Variants in NAAA observed in about 807,000 individuals in gnomAD.
NAAA encodes the protein N-acylethanolamine acid amidase, also known as N-acylethanolamine-hydrolyzing acid amidase.
NAAA carries 39 observed loss-of-function variants against 44.8 expected under a neutral mutation model. That is an observed-to-expected ratio of 0.87 (90% CI 0.67 to 1.14). The LOEUF (loss-of-function observed/expected upper bound fraction) is 1.14, where lower values mean the gene tolerates loss of function less well. Among genes scored for constraint, NAAA ranks in the 50% most tolerant of loss-of-function variants. NAAA has a pLI of 0.00. For missense variants in NAAA, 460 were observed against 467.8 expected (o/e 0.98, Z 0.15); for synonymous variants, 178 against 191.3 (o/e 0.93, Z 0.58).
intron 5 of NAAA, among the ~76,000 whole-genome samples, chr4:75,922,652 C>T (rs1726281184): frequency 6.6e-6 from 1 of 152,218 alleles, no homozygotes; most frequent in African/African-American, 2.4e-5. Flanking sequence ...ATCTTTGGGT[C>T]TTCATTCTGA....
intron 9 of NAAA, chr4:75,917,107 T>TA (rs35399299): frequency 4.2e-6 from 4 of 958,400 alleles, no homozygotes; most frequent in East Asian, 1.2e-4. Context: ...TATAATTACC[T>TA]AAAAAAACTA....
chr4:75,926,520 C>T (rs111676838), intron 4 of NAAA, among the ~76,000 whole-genome samples: 14 of 136,286 alleles, frequency 1.0e-4, no homozygotes, highest in Admixed American at 3.2e-4. Context: ...AAGATCAGGC[C>T]ACTGCACTCC....
In NAAA at chr4:75,925,829, T is replaced by C. The variant is rs929478597; in HGVS notation, c.590-18A>G. On this transcript the variant is annotated intron_variant, in intron 4 of 10. Transcript: ENST00000286733. The stretch of plus-strand genomic sequence containing the variant: ...GCCTTTATCTGCCAAGTTGAGTATA[T>C]ATGTTATATATGTGTGTGTATATAT... 1.2e-6 allele frequency: 2 copies of C among 1,608,692 alleles called. No individual in the cohort carries two copies. The highest frequency in any genetic ancestry group is 1.7e-6 in the Non-Finnish European group (2 of 1,175,170).
At chr4:75,936,076 C>A in intron 3 of NAAA, 33 bp downstream of exon 3, 1 of 1,612,420 alleles carries the variant, frequency 6.2e-7, no homozygotes, top group South Asian at 1.1e-5. Context: ...GCAAATCTTT[C>A]TGATTTTTTA....
intron 5 of NAAA, among the ~76,000 whole-genome samples, chr4:75,925,523 C>T (rs905956): frequency 0.71 from 107,314 of 152,160 alleles, 38,075 homozygotes; most frequent in Non-Finnish European, 0.72. Context: ...ACTCCAATAG[C>T]ATATACTGAT....
At chr4:75,921,783 G>C (rs547856225) in intron 5 of NAAA, among the ~76,000 whole-genome samples, 10 of 152,144 alleles carry the variant, frequency 6.6e-5, no homozygotes, top group Admixed American at 5.2e-4. Context: ...GTTCTAGTTC[G>C]ATGGACTAGA....
chr4:75,929,458 G>A (rs774913901), intron 4 of NAAA, among the ~76,000 whole-genome samples: 140 of 152,254 alleles, frequency 9.2e-4, no homozygotes, highest in African/African-American at 3.1e-3. Context: ...CAGTTTGACA[G>A]TATTTCATTA....
intron 9 of NAAA, 70 bp from the exon 10 acceptor site, chr4:75,915,055 C>T: frequency 8.7e-7 from 1 of 1,144,716 alleles, no homozygotes; most frequent in Non-Finnish European, 1.3e-6. Flanking sequence ...AGAAAATGAC[C>T]AAGTGCTTCC....
chr4:75,939,230 C>T (rs981196487), intron 2 of NAAA, among the ~76,000 whole-genome samples: 3 of 152,200 alleles, frequency 2.0e-5, no homozygotes, highest in African/African-American at 7.2e-5. Flanking sequence ...CCTGTCGCCC[C>T]AGCCCTGGTG....
Position 75,920,737 on chromosome 4 carries a change from C to T in NAAA, c.902+1G>A, listed in dbSNP as rs1418623997. 2 of 1,614,240 alleles carry T rather than the reference C, an allele frequency of 1.2e-6. No individual in the cohort carries two copies. Among genetic ancestry groups the T allele is most frequent in the Non-Finnish European group, 1.7e-6 (2 of 1,180,034 alleles). Reference sequence around the variant, plus strand: ...AAACCAGAAAGCACGTAGCAGCCTACCTCCGGTCATCTTCCTTGGGTGCTG... The same window carrying T: ...AAACCAGAAAGCACGTAGCAGCCTATCTCCGGTCATCTTCCTTGGGTGCTG... On this transcript the variant is annotated splice_donor_variant, in intron 7 of 10. Transcript: ENST00000286733. LOFTEE classifies it high-confidence loss of function.
intron 3 of NAAA, among the ~76,000 whole-genome samples, chr4:75,934,052 GTAA>G (rs66466020): frequency 0.026 from 3,684 of 141,944 alleles, 103 homozygotes; most frequent in East Asian, 0.14. Context: ...AATAGTAGTA[GTAA>G]TAATAATAAT....
intron 9 of NAAA, 82 bp from the exon 10 acceptor site, chr4:75,915,067 T>A: frequency 9.7e-7 from 1 of 1,032,214 alleles, no homozygotes; most frequent in Non-Finnish European, 1.5e-6. Context: ...AGTGCTTCCC[T>A]AACACTTGAG....
chr4:75,938,963 C>T (rs948472536), intron 2 of NAAA, among the ~76,000 whole-genome samples: 5 of 152,182 alleles, frequency 3.3e-5, no homozygotes, highest in African/African-American at 1.2e-4. Flanking sequence ...GATTCTCCTG[C>T]CTCGGCCTCC....
At chr4:75,931,484 G>A (rs1727227473) in intron 3 of NAAA, among the ~76,000 whole-genome samples, 180 bp from the exon 4 acceptor site, 1 of 152,064 alleles carries the variant, frequency 6.6e-6, no homozygotes. Context: ...GGGTGGGGGT[G>A]TGGTCCATAG....
chr4:75,934,578 C>T (rs1432795260), intron 3 of NAAA, among the ~76,000 whole-genome samples: 2 of 151,632 alleles, frequency 1.3e-5, no homozygotes, highest in African/African-American at 4.8e-5. Context: ...TCGCCTGCCT[C>T]GGCCTCCCAA....
At chr4:75,932,049 G>A (rs1223252188) in intron 3 of NAAA, among the ~76,000 whole-genome samples, 1 of 152,146 alleles carries the variant, frequency 6.6e-6, no homozygotes, top group East Asian at 1.9e-4. Context: ...GACCAACGTG[G>A]AGAAACCTGG....
intron 1 of NAAA, 27 bp from the exon 2 acceptor site, chr4:75,940,192 T>A: frequency 6.2e-7 from 1 of 1,604,630 alleles, no homozygotes; most frequent in Non-Finnish European, 8.5e-7. Context: ...CAAGGGCGTC[T>A]GACCCGCTCA....
chr4:75,930,518 CA>C (rs1177352661), intron 4 of NAAA: 1 of 517,330 alleles, frequency 1.9e-6, no homozygotes, highest in Non-Finnish European at 3.9e-6. Flanking sequence ...CATGGTAAAC[CA>C]GAAAGTGCTT....
chr4:75,913,836 A>C lies in NAAA; in HGVS notation c.*539T>G. ...TCAATAAAACGTTAGAAACATTATAAAAAACGAGACTCCCATTACATGGAA... is the reference window on the plus strand; with the variant it reads ...TCAATAAAACGTTAGAAACATTATACAAAACGAGACTCCCATTACATGGAA... On this transcript the variant is annotated 3_prime_UTR_variant, in exon 11 of 11. Transcript: ENST00000286733. 1.0e-6 allele frequency: 1 copy of C among 985,304 alleles called. No homozygotes were observed. The highest frequency in any genetic ancestry group is 1.2e-6 in the Non-Finnish European group (1 of 829,792). 61.0% of individuals were successfully genotyped at this position (985,304 alleles called of 1,614,324 possible).
Sources: allele counts gnomAD v4.1 joint callset (sites outside exome capture counted in the v4.1 genomes callset), GRCh38; gene constraint gnomAD v4.1.1; transcripts MANE v1.5; gene names NCBI Gene and HGNC (gene_info 2026-07-23, HGNC 2026-07-21).